Variants in WWOX observed in about 807,000 individuals in gnomAD.
WWOX encodes the protein WW domain-containing oxidoreductase.
Under a neutral mutation model 46.2 loss-of-function variants are expected in WWOX, and 69 were observed. That is an observed-to-expected ratio of 1.49 (90% CI 1.23 to 1.82). The LOEUF (loss-of-function observed/expected upper bound fraction) is 1.82. Among genes scored for constraint, WWOX ranks in the 40% most tolerant of loss-of-function variants. The pLI is 0.00. For synonymous variants in WWOX, 359 were observed against 202.6 expected, an observed-to-expected ratio of 1.77 and a Z score of -6.56; for missense variants, 919 against 542.6, an observed-to-expected ratio of 1.69 and a Z score of -6.89.
intron 8 of WWOX, among the ~76,000 whole-genome samples, chr16:79,093,088 G>C (rs571830407): frequency 1.3e-5 from 2 of 152,330 alleles, no homozygotes; most frequent in African/African-American, 2.4e-5. Flanking sequence ...TGAGCTGTTG[G>C]TTACGTAACT....
At chr16:78,811,854 A>G (rs147767846) in intron 8 of WWOX, among the ~76,000 whole-genome samples, 1 of 152,224 alleles carries the variant, frequency 6.6e-6, no homozygotes, top group Non-Finnish European at 1.5e-5. Flanking sequence ...CACTTGGTCA[A>G]GTTACTTAAG....
At chr16:78,515,975 C>A (rs753689028) in intron 8 of WWOX, among the ~76,000 whole-genome samples, 6 of 152,130 alleles carry the variant, frequency 3.9e-5, no homozygotes, top group Admixed American at 6.6e-5. Context: ...CAGTCTCTCT[C>A]CTTCCATCCC....
At chr16:78,850,308 TC>T (rs1025524174) in intron 8 of WWOX, among the ~76,000 whole-genome samples, 51 of 152,186 alleles carry the variant, frequency 3.4e-4, no homozygotes, top group African/African-American at 1.2e-3. Flanking sequence ...ATGAGTTTTT[TC>T]GCCTCCATAA....
intron 8 of WWOX, among the ~76,000 whole-genome samples, chr16:78,790,421 C>G (rs750782607): frequency 2.6e-5 from 4 of 152,144 alleles, no homozygotes; most frequent in Non-Finnish European, 5.9e-5. Flanking sequence ...AGGTGTGAGC[C>G]ACCGTGCCCA....
At chr16:78,570,846 G>C (rs970215457) in intron 8 of WWOX, among the ~76,000 whole-genome samples, 1 of 152,136 alleles carries the variant, frequency 6.6e-6, no homozygotes, top group Non-Finnish European at 1.5e-5. Flanking sequence ...AGGCGGGCGG[G>C]GCAAGCTTTG....
At chr16:78,188,149 A>C (rs566324809) in intron 5 of WWOX, among the ~76,000 whole-genome samples, 19 of 152,302 alleles carry the variant, frequency 1.2e-4, no homozygotes, top group African/African-American at 3.6e-4. Context: ...CAATACAGTT[A>C]TATTTATCAA....
intron 8 of WWOX, among the ~76,000 whole-genome samples, chr16:78,715,679 G>T (rs2048544520): frequency 6.6e-6 from 1 of 152,120 alleles, no homozygotes. Flanking sequence ...ATTTCACTAT[G>T]TTGGCCAGGC....
At chr16:78,916,206 G>C (rs988830104) in intron 8 of WWOX, among the ~76,000 whole-genome samples, 1 of 152,198 alleles carries the variant, frequency 6.6e-6, no homozygotes, top group African/African-American at 2.4e-5. Flanking sequence ...GCTGACAGTA[G>C]GGAGGAAGCG....
At chr16:79,025,038 C>G (rs565278556) in intron 8 of WWOX, among the ~76,000 whole-genome samples, 1 of 152,156 alleles carries the variant, frequency 6.6e-6, no homozygotes, top group African/African-American at 2.4e-5. Flanking sequence ...TGGGGAGGAC[C>G]TTGTGTTCCT....
intron 8 of WWOX, among the ~76,000 whole-genome samples, chr16:78,517,855 A>ATTTTTTTTTTTTTTTTTTTTTTTTTT: frequency 2.3e-5 from 2 of 86,394 alleles, no homozygotes; most frequent in Non-Finnish European, 4.5e-5. Flanking sequence ...TACACAACCT[A>ATTTTTTTTTTTTTTTTTTTTTTTTTT]TTTTTTTTTT....
At chr16:78,969,032 G>C (rs184592999) in intron 8 of WWOX, among the ~76,000 whole-genome samples, 1 of 152,210 alleles carries the variant, frequency 6.6e-6, no homozygotes, top group Non-Finnish European at 1.5e-5. Flanking sequence ...GAGTGGCTCA[G>C]CTACCAGGCT....
intron 8 of WWOX, among the ~76,000 whole-genome samples, chr16:78,982,718 G>GA (rs2046707588): frequency 1.3e-5 from 2 of 152,288 alleles, no homozygotes; most frequent in African/African-American, 4.8e-5. Context: ...TTAGTGAGGA[G>GA]AAAATGTGCA....
intron 8 of WWOX, among the ~76,000 whole-genome samples, chr16:78,434,619 A>G (rs1004491344): frequency 1.3e-5 from 2 of 152,158 alleles, no homozygotes; most frequent in African/African-American, 4.8e-5. Flanking sequence ...GTCTTGAGTC[A>G]TCTCACTTGT....
At chr16:78,956,253 C>T (rs1429789441) in intron 8 of WWOX, among the ~76,000 whole-genome samples, 1 of 152,150 alleles carries the variant, frequency 6.6e-6, no homozygotes, top group African/African-American at 2.4e-5. Context: ...TCAAGCAATT[C>T]TGCTGCCTCA....
intron 8 of WWOX, among the ~76,000 whole-genome samples, chr16:78,532,745 C>T (rs898098778): frequency 4.6e-5 from 7 of 151,696 alleles, no homozygotes; most frequent in South Asian, 2.1e-4. Context: ...CTTATGATAC[C>T]GTCAGATTCC....
intron 8 of WWOX, among the ~76,000 whole-genome samples, chr16:78,927,652 G>A (rs571904350): frequency 1.3e-5 from 2 of 152,268 alleles, no homozygotes; most frequent in Non-Finnish European, 2.9e-5. Context: ...TTGGAGAGAA[G>A]GAAGGTAATT....
At chr16:78,317,371 A>G (rs2080376263) in intron 5 of WWOX, among the ~76,000 whole-genome samples, 1 of 152,108 alleles carries the variant, frequency 6.6e-6, no homozygotes, top group African/African-American at 2.4e-5. Flanking sequence ...TGTTTGTTAC[A>G]GTGTGATGGA....
chr16:78,514,583 G>T (rs1157201518), intron 8 of WWOX, among the ~76,000 whole-genome samples: 2 of 152,268 alleles, frequency 1.3e-5, no homozygotes, highest in East Asian at 1.9e-4. Context: ...TTCCTTGACC[G>T]ATAAGTGTAC....
At chr16:78,934,644 G>C (rs1231876419) in intron 8 of WWOX, among the ~76,000 whole-genome samples, 1 of 151,940 alleles carries the variant, frequency 6.6e-6, no homozygotes, top group Admixed American at 6.6e-5. Flanking sequence ...CCTTGCTAAT[G>C]TGGGGTCTTT....
Sources: gnomAD v4.1 joint callset for allele counts (sites outside exome capture counted in the v4.1 genomes callset) on GRCh38, gnomAD v4.1.1 for gene constraint, MANE v1.5 for transcripts, NCBI Gene and HGNC (gene_info 2026-07-23, HGNC 2026-07-21) for gene names.